The following AFG1L variants were observed in gnomAD, a reference collection of about 807,000 sequenced individuals.
AFG1L encodes the protein AFG1 like ATPase.
In AFG1L, 53 loss-of-function variants were observed where a neutral mutation model predicts 62.2. That is an observed-to-expected ratio of 0.85 (90% CI 0.68 to 1.07). The LOEUF (loss-of-function observed/expected upper bound fraction) is 1.07. Ranked by LOEUF, AFG1L falls within the 50% of genes least tolerant of loss-of-function variation. AFG1L has a pLI of 0.00. For missense variants in AFG1L, 555 were observed against 590.5 expected, an observed-to-expected ratio of 0.94 and a Z score of 0.62; for synonymous variants, 228 against 210.3, an observed-to-expected ratio of 1.08 and a Z score of -0.73.
chr6:108,328,582 T>TA (rs201431578), intron 2 of AFG1L, among the ~76,000 whole-genome samples: 211 of 151,900 alleles, frequency 1.4e-3, no homozygotes, highest in Non-Finnish European at 2.3e-3. Flanking sequence ...TTTTTTTTTT[T>TA]AATAGAGATG....
rs572817613 is a variant in AFG1L, at chr6:108,517,614, C to T, written c.1204-2083C>T. Among the ~76,000 whole-genome samples the T allele has an allele frequency of 3.3e-5, 5 of 152,264 alleles. No homozygotes were observed. In the East Asian group the frequency reaches 7.7e-4, roughly 23 times the overall value. ...ATGGGCAAGGACTTCATGTCTAAAA[C>T]ACCAAAAGCAATGGCAACAAAAGCC... On this transcript the variant is annotated intron_variant, in intron 11 of 12. Transcript: ENST00000368977.
chr6:108,298,701 T>G (rs967405202), intron 1 of AFG1L, among the ~76,000 whole-genome samples: 26 of 152,150 alleles, frequency 1.7e-4, no homozygotes, highest in African/African-American at 5.1e-4. Flanking sequence ...TTACAGTATG[T>G]TAAGATGTCT....
At chr6:108,371,301 G>A (rs1779992602) in intron 6 of AFG1L, among the ~76,000 whole-genome samples, 1 of 152,146 alleles carries the variant, frequency 6.6e-6, no homozygotes, top group Admixed American at 6.5e-5. Flanking sequence ...AACAGGCTGG[G>A]TGTAATGGCT....
chr6:108,342,064 T>C (rs773380966), intron 2 of AFG1L, among the ~76,000 whole-genome samples: 9 of 152,118 alleles, frequency 5.9e-5, no homozygotes, highest in Non-Finnish European at 1.2e-4. Context: ...AGGAGGAGAC[T>C]GGTGAGAGCT....
At chr6:108,348,107 GTCTC>G (rs1372835263) in intron 3 of AFG1L, among the ~76,000 whole-genome samples, 2 of 152,178 alleles carry the variant, frequency 1.3e-5, no homozygotes, top group Admixed American at 1.3e-4. Context: ...TTGAGATGGA[GTCTC>G]TCTCTGTCAC....
At chr6:108,448,150 C>T (rs1771892690) in intron 8 of AFG1L, among the ~76,000 whole-genome samples, 1 of 152,152 alleles carries the variant, frequency 6.6e-6, no homozygotes, top group Admixed American at 6.5e-5. Flanking sequence ...ATTAAAATTG[C>T]ATACTTTACA....
intron 6 of AFG1L, chr6:108,387,425 G>T (rs1780813833): frequency 6.6e-6 from 1 of 152,270 alleles, no homozygotes; most frequent in African/African-American, 2.4e-5. Flanking sequence ...TGGGCTATGG[G>T]CCCCACCAGC....
At chr6:108,516,812 T>C (rs1309898350) in intron 11 of AFG1L, among the ~76,000 whole-genome samples, 1 of 152,106 alleles carries the variant, frequency 6.6e-6, no homozygotes, top group Non-Finnish European at 1.5e-5. Flanking sequence ...AGTCTCAGGA[T>C]ACAAAATCAA....
At chr6:108,436,437 C>T (rs1771313760) in intron 7 of AFG1L, among the ~76,000 whole-genome samples, 3 of 151,938 alleles carry the variant, frequency 2.0e-5, no homozygotes. Flanking sequence ...GCCACCGCAC[C>T]CGGCTGAGAT....
chr6:108,401,244 G>A (rs1239339952), intron 6 of AFG1L, among the ~76,000 whole-genome samples: 1 of 150,314 alleles, frequency 6.7e-6, no homozygotes, highest in Admixed American at 6.7e-5. Context: ...CCGGGTTCAC[G>A]CCATTCTCCT....
intron 2 of AFG1L, among the ~76,000 whole-genome samples, chr6:108,326,201 G>C (rs533471663): frequency 6.6e-6 from 1 of 152,244 alleles, no homozygotes; most frequent in South Asian, 2.1e-4. Context: ...CCCCTGAGTA[G>C]GCTAGGGCTA....
At chr6:108,477,779 AT>A (rs1773172088) in intron 10 of AFG1L, among the ~76,000 whole-genome samples, 2 of 152,194 alleles carry the variant, frequency 1.3e-5, no homozygotes, top group African/African-American at 2.4e-5. Flanking sequence ...TGTGGCATCT[AT>A]ATTATATATT....
chr6:108,476,884 G>C lies in AFG1L; in HGVS notation c.910G>C (p.Glu304Gln). Reference sequence around the variant, plus strand: ...CTGTAGCACAAGTGAAGCTGATGTGGAGGCTGTCATGGATAAGTTGTTTGA... The same window carrying C: ...CTGTAGCACAAGTGAAGCTGATGTGCAGGCTGTCATGGATAAGTTGTTTGA... ...LYYLTSEADV[E>Q]AVMDKLFDEL... The change falls in exon 9 of 13, where the codon GAG (glutamate) becomes CAG (glutamine). Residue 304 changes from glutamate to glutamine, a missense_variant. By Grantham distance (29) the Glu-to-Gln change is conservative (BLOSUM62 2). Coordinates refer to ENST00000368977, the MANE Select transcript of AFG1L (RefSeq NM_145315.5). 1 of 1,613,646 alleles carries C rather than the reference G, an allele frequency of 6.2e-7. No homozygotes were observed. Among genetic ancestry groups the C allele is most frequent in the Non-Finnish European group, 8.5e-7 (1 of 1,179,584 alleles).
At chr6:108,378,850 GTTATTA>G (rs760891444) in intron 6 of AFG1L, among the ~76,000 whole-genome samples, 3 of 150,410 alleles carry the variant, frequency 2.0e-5, no homozygotes, top group Non-Finnish European at 4.4e-5. Context: ...TAATGTTGTT[GTTATTA>G]TTATTATTAT....
chr6:108,457,312 ACTT>A (rs1335010458), intron 8 of AFG1L, among the ~76,000 whole-genome samples: 1 of 151,234 alleles, frequency 6.6e-6, no homozygotes, highest in Non-Finnish European at 1.5e-5. Context: ...ATTCCCTTTT[ACTT>A]CTTATTAGCT....
At chr6:108,337,938 C>A (rs575121641) in intron 2 of AFG1L, among the ~76,000 whole-genome samples, 1 of 152,230 alleles carries the variant, frequency 6.6e-6, no homozygotes, top group East Asian at 1.9e-4. Context: ...GTAATCCCAG[C>A]AATTTGGGAG....
rs56375345 is a variant in AFG1L at position 108,471,468 on chromosome 6, CTTTTTT to C, written c.891-5380_891-5375del. Among the ~76,000 whole-genome samples, 322 of 100,362 alleles carry C rather than the reference CTTTTTT, an allele frequency of 3.2e-3. 1 individual carries two copies. Among genetic ancestry groups the C allele is most frequent in the South Asian group, 7.3e-3 (22 of 3,018 alleles). The allele number at this position is 100,362 out of a possible 152,430, so 65.8% of individuals were successfully genotyped here. ...ATTGATGTTCTATCGTGTTCTTCTT[CTTTTTT>C]TTTTTTTTTTTTTTTTGACACTGTT... On this transcript the variant is annotated intron_variant, in intron 8 of 12. Transcript: ENST00000368977.
intron 6 of AFG1L, among the ~76,000 whole-genome samples, chr6:108,382,276 A>G (rs911422521): frequency 6.6e-6 from 1 of 152,194 alleles, no homozygotes; most frequent in Non-Finnish European, 1.5e-5. Context: ...CTGGGATTAC[A>G]GGTGTGAGCC....
rs904499408 is a variant in AFG1L at position 108,485,384 on chromosome 6, G to A, written c.1062+8092G>A. 2.0e-5 allele frequency among the ~76,000 whole-genome samples: 3 copies of A among 151,874 alleles called. No homozygotes were observed. In the South Asian group the frequency reaches 6.2e-4, roughly 32 times the overall value. ...GAAAATGCCCAAGGATTCCCAGAGG[G>A]TCTCAATGGAAGAGTAAGTGTGCCA... On this transcript the variant is annotated intron_variant, in intron 10 of 12. Coordinates refer to ENST00000368977, the MANE Select transcript of AFG1L (RefSeq NM_145315.5).
Sources: allele counts gnomAD v4.1 joint callset (sites outside exome capture counted in the v4.1 genomes callset), GRCh38; gene constraint gnomAD v4.1.1; transcripts MANE v1.5; gene names NCBI Gene and HGNC (gene_info 2026-07-23, HGNC 2026-07-21).